ANKRD11: variants seen among roughly 807,000 people sequenced by gnomAD.
ANKRD11 encodes the protein ankyrin repeat domain 11, also known as ankyrin repeat domain-containing protein 11.
ANKRD11 carries 17 observed loss-of-function variants against 195.7 expected under a neutral mutation model. The ratio of observed to expected loss-of-function variants is 0.09; its 90% CI spans 0.06 to 0.13. The LOEUF is 0.13. Among genes scored for constraint, ANKRD11 ranks in the 10% least tolerant of loss-of-function variants. The pLI is 1.00. For missense variants in ANKRD11, 3,735 were observed against 3,566.1 expected (o/e 1.05, Z -1.21); for synonymous variants, 1,953 against 1,528.1 (o/e 1.28, Z -6.49).
chr16:89,338,018 G>A (rs1475219137), intron 2 of ANKRD11, among the ~76,000 whole-genome samples: 2 of 152,098 alleles, frequency 1.3e-5, no homozygotes, highest in African/African-American at 4.8e-5. Context: ...CACATCAGCT[G>A]GTGCCAGTAT....
At chr16:89,389,692 C>T (rs1242193495) in intron 2 of ANKRD11, among the ~76,000 whole-genome samples, 1 of 152,164 alleles carries the variant, frequency 6.6e-6, no homozygotes, top group African/African-American at 2.4e-5. Flanking sequence ...AGCAAAAACA[C>T]TGAGTGTGGC....
intron 1 of ANKRD11, among the ~76,000 whole-genome samples, chr16:89,462,848 G>C (rs1423744740): frequency 2.0e-5 from 3 of 151,744 alleles, no homozygotes; most frequent in Non-Finnish European, 4.4e-5. Context: ...ACCCCGTCTG[G>C]GAAGTGAGGA....
chr16:89,420,908 C>G (rs1035534790), intron 1 of ANKRD11, among the ~76,000 whole-genome samples: 3 of 152,232 alleles, frequency 2.0e-5, no homozygotes, highest in African/African-American at 7.2e-5. Flanking sequence ...ATCAAAACCA[C>G]CACCACGACT....
chr16:89,300,718 G>C (rs1175676200), intron 4 of ANKRD11: 1 of 542,476 alleles, frequency 1.8e-6, no homozygotes, highest in African/African-American at 2.0e-5. Context: ...GTCAGGAAAA[G>C]ACTGAAGGTG....
chr16:89,461,526 G>C (rs748600482), intron 1 of ANKRD11, among the ~76,000 whole-genome samples: 13 of 152,088 alleles, frequency 8.5e-5, no homozygotes, highest in Non-Finnish European at 1.9e-4. Context: ...ATTTTTTGTA[G>C]AAACAGGGTA....
intron 1 of ANKRD11, among the ~76,000 whole-genome samples, chr16:89,480,567 G>C (rs959430016): frequency 6.6e-6 from 1 of 152,120 alleles, no homozygotes; most frequent in Non-Finnish European, 1.5e-5. Flanking sequence ...AGTAACAGAA[G>C]ATATAAAACA....
intron 2 of ANKRD11, among the ~76,000 whole-genome samples, chr16:89,368,815 C>T (rs2040065832): frequency 6.6e-6 from 1 of 152,014 alleles, no homozygotes; most frequent in South Asian, 2.1e-4. Context: ...CAGGCGGGAT[C>T]GCTTGAGCCA....
intron 1 of ANKRD11, among the ~76,000 whole-genome samples, chr16:89,464,984 C>T (rs1567842934): frequency 6.6e-6 from 1 of 152,300 alleles, no homozygotes; most frequent in East Asian, 1.9e-4. Flanking sequence ...AGTCCACAGG[C>T]TAAGAATGAG....
rs1245560481 is a variant in ANKRD11, at chr16:89,282,289, T to C, written c.4253A>G (p.Lys1418Arg). 5.0e-6 allele frequency: 8 copies of C among 1,614,096 alleles called. No individual in the cohort carries two copies. The highest frequency in any genetic ancestry group is 6.8e-6 in the Non-Finnish European group (8 of 1,180,050). ...MKADIEDELD[K>R]TIELFSTEKK... Reference sequence around the variant, plus strand: ...TTCGGTAGAAAACAATTCAATGGTTTTATCTAGCTCATCTTCTATGTCAGC... The same window carrying C: ...TTCGGTAGAAAACAATTCAATGGTTCTATCTAGCTCATCTTCTATGTCAGC... Residue 1418 changes from lysine (K) to arginine (R), a missense_variant, in exon 9 of 13, where the codon AAA becomes AGA. Transcript: ENST00000301030.
At chr16:89,335,865 G>A (rs1281067355) in intron 2 of ANKRD11, among the ~76,000 whole-genome samples, 1 of 152,196 alleles carries the variant, frequency 6.6e-6, no homozygotes, top group African/African-American at 2.4e-5. Context: ...TAAAGGGCTA[G>A]GAGAAACGCA....
intron 2 of ANKRD11, among the ~76,000 whole-genome samples, chr16:89,367,635 G>A (rs1368879123): frequency 1.3e-5 from 2 of 152,090 alleles, no homozygotes; most frequent in Non-Finnish European, 2.9e-5. Context: ...AATCCTCCAT[G>A]GCACAAAACC....
At chr16:89,401,600 A>G (rs1365894222) in intron 2 of ANKRD11, among the ~76,000 whole-genome samples, 1 of 152,102 alleles carries the variant, frequency 6.6e-6, no homozygotes, top group Non-Finnish European at 1.5e-5. Flanking sequence ...TACTGGTGTT[A>G]TGAGTTGAAA....
intron 1 of ANKRD11, among the ~76,000 whole-genome samples, chr16:89,487,889 T>C (rs979918783): frequency 2.0e-5 from 3 of 152,196 alleles, no homozygotes; most frequent in African/African-American, 7.2e-5. Context: ...TGCCACCGTA[T>C]CAACACTGTA....
At chr16:89,277,950 G>A (rs2033800523) in intron 9 of ANKRD11, 1 of 159,896 alleles carries the variant, frequency 6.3e-6, no homozygotes, top group Admixed American at 5.7e-5. Flanking sequence ...GCCAACGCGT[G>A]TGGAGGGCCC....
At chr16:89,323,164 A>G in intron 2 of ANKRD11, 1 of 438,980 alleles carries the variant, frequency 2.3e-6, no homozygotes, top group Non-Finnish European at 4.0e-6. Flanking sequence ...CGGCTGCGTC[A>G]GGAGTGGTGC....
chr16:89,393,199 ACGCCAGCCTCATTCACCTG>A (rs1425012538), intron 2 of ANKRD11, among the ~76,000 whole-genome samples: 2 of 152,062 alleles, frequency 1.3e-5, no homozygotes, highest in African/African-American at 4.8e-5. Flanking sequence ...TGAGAGCACG[ACGCCAGCCTCATTCACCTG>A]TTCCCACAGG....
intron 1 of ANKRD11, among the ~76,000 whole-genome samples, chr16:89,437,226 C>A (rs1203660747): frequency 6.6e-6 from 1 of 152,214 alleles, no homozygotes; most frequent in Non-Finnish European, 1.5e-5. Context: ...AGAGGGCCAA[C>A]AACAGTGGCC....
At chr16:89,380,520 A>G (rs1231032263) in intron 2 of ANKRD11, among the ~76,000 whole-genome samples, 1 of 151,796 alleles carries the variant, frequency 6.6e-6, no homozygotes, top group Non-Finnish European at 1.5e-5. Flanking sequence ...CTCCACCTGC[A>G]TAAGAAACGG....
chr16:89,443,816 G>A (rs2043645480), intron 1 of ANKRD11, among the ~76,000 whole-genome samples: 1 of 152,264 alleles, frequency 6.6e-6, no homozygotes, highest in African/African-American at 2.4e-5. Context: ...GATCTGCACA[G>A]GAAGGTGGAA....
Sources: gnomAD v4.1 joint callset for allele counts (sites outside exome capture counted in the v4.1 genomes callset) on GRCh38, gnomAD v4.1.1 for gene constraint, MANE v1.5 for transcripts, NCBI Gene and HGNC (gene_info 2026-07-23, HGNC 2026-07-21) for gene names.